The following PATJ variants were observed in gnomAD, a reference collection of about 807,000 sequenced individuals.
The protein encoded by PATJ is inaD-like protein.
PATJ carries 190 observed loss-of-function variants against 224.9 expected under a neutral mutation model. That is an observed-to-expected ratio of 0.84 (90% CI 0.75 to 0.95). The LOEUF is 0.95. PATJ is among the 40% of genes least tolerant of loss of function. PATJ has a pLI of 0.00. For synonymous variants in PATJ, 769 were observed against 820.3 expected (o/e 0.94, Z 1.07); for missense variants, 2,121 against 2,270.3 (o/e 0.93, Z 1.34).
intron 15 of PATJ, among the ~76,000 whole-genome samples, chr1:61,825,495 A>T (rs1557712266): frequency 1.3e-5 from 2 of 150,342 alleles, no homozygotes. Context: ...TCCTGAACTC[A>T]AAGTGTCGTG....
At chr1:61,873,669 G>A (rs764955669) in intron 20 of PATJ, among the ~76,000 whole-genome samples, 1 of 152,186 alleles carries the variant, frequency 6.6e-6, no homozygotes, top group Non-Finnish European at 1.5e-5. Flanking sequence ...TTAGAGGCAG[G>A]AGGCGGACAA....
At chr1:62,013,545 T>C in intron 28 of PATJ, 2 of 970,658 alleles carry the variant, frequency 2.1e-6, no homozygotes, top group South Asian at 4.8e-5. Flanking sequence ...GTTGCGTGCC[T>C]GCGCTGATGG....
At chr1:61,798,385 A>G (rs1651787826) in intron 11 of PATJ, among the ~76,000 whole-genome samples, 1 of 151,570 alleles carries the variant, frequency 6.6e-6, no homozygotes, top group Non-Finnish European at 1.5e-5. Context: ...TTTTGTAGAG[A>G]TGGGGTCTCT....
chr1:62,032,564 C>T, intron 29 of PATJ, among the ~76,000 whole-genome samples: 1 of 152,102 alleles, frequency 6.6e-6, no homozygotes, highest in East Asian at 1.9e-4. Context: ...AGCATTTTGT[C>T]TAACACAAGT....
chr1:62,000,203 T>TG (rs1363865844), intron 28 of PATJ, among the ~76,000 whole-genome samples: 1 of 133,174 alleles, frequency 7.5e-6, no homozygotes, highest in Non-Finnish European at 1.6e-5. Context: ...GTTTTTTGTT[T>TG]TTTTTTTTTT....
chr1:61,990,405 G>T (rs780381142), intron 28 of PATJ, 41 bp downstream of exon 28: 12 of 1,472,340 alleles, frequency 8.2e-6, no homozygotes, highest in Non-Finnish European at 1.1e-5. Context: ...TGGTGAAGTG[G>T]ATGGGTGCAG....
intron 11 of PATJ, among the ~76,000 whole-genome samples, chr1:61,800,741 C>T (rs1652302764): frequency 6.6e-6 from 1 of 152,082 alleles, no homozygotes; most frequent in African/African-American, 2.4e-5. Context: ...CTTCCCACCC[C>T]ACAACAGGCC....
chr1:62,130,416 A>G (rs1486530619), intron 41 of PATJ, among the ~76,000 whole-genome samples: 2 of 152,108 alleles, frequency 1.3e-5, no homozygotes, highest in Admixed American at 6.5e-5. Context: ...TATAATCCCA[A>G]CACTCTGGGA....
chr1:62,111,334 C>T (rs746882608), intron 34 of PATJ, among the ~76,000 whole-genome samples: 2 of 152,124 alleles, frequency 1.3e-5, no homozygotes, highest in Non-Finnish European at 2.9e-5. Flanking sequence ...GTGTTTCATT[C>T]ACAGACAATG....
At chr1:61,940,773 A>G (rs1362467173) in intron 27 of PATJ, among the ~76,000 whole-genome samples, 1 of 151,884 alleles carries the variant, frequency 6.6e-6, no homozygotes, top group East Asian at 1.9e-4. Context: ...GCATAAGAGT[A>G]TGTTAACCTT....
intron 22 of PATJ, among the ~76,000 whole-genome samples, chr1:61,888,698 A>C (rs555740114): frequency 6.6e-6 from 1 of 152,356 alleles, no homozygotes; most frequent in Admixed American, 6.5e-5. Context: ...AAAAGATCTA[A>C]GCAAACTTCT....
chr1:62,032,265 A>G (rs1318225206), intron 29 of PATJ, among the ~76,000 whole-genome samples: 3 of 152,184 alleles, frequency 2.0e-5, no homozygotes, highest in African/African-American at 4.8e-5. Flanking sequence ...CTTGTCAGGA[A>G]GCCCCCTCCA....
At chr1:62,039,781 G>A (rs1162435987) in intron 30 of PATJ, among the ~76,000 whole-genome samples, 2 of 152,172 alleles carry the variant, frequency 1.3e-5, no homozygotes, top group Non-Finnish European at 2.9e-5. Context: ...AAAAGGCAGA[G>A]GAGGAAATGA....
chr1:61,814,175 G>A (rs1032393855), intron 14 of PATJ, among the ~76,000 whole-genome samples: 13 of 117,144 alleles, frequency 1.1e-4, no homozygotes, highest in East Asian at 1.1e-3. Flanking sequence ...ATTCAGTCTC[G>A]CTCTGTTGCC....
At position 62,088,049 on chromosome 1, in the gene PATJ, G is replaced by C. The variant is rs1050444375; in HGVS notation, c.4377+3401G>C. Among the ~76,000 whole-genome samples, 57 of 151,530 alleles carry C rather than the reference G, an allele frequency of 3.8e-4. 1 individual carries two copies. Among genetic ancestry groups the C allele is most frequent in the Admixed American group, 1.3e-4 (2 of 15,192 alleles). On this transcript the variant is annotated intron_variant, in intron 33 of 43. Coordinates refer to ENST00000642238, the MANE Select transcript of PATJ (RefSeq NM_001350145.3). ...TGGGATTACAGGCATGCACCACCATGACTGGCTAATTTTGTATTTTTAGTA... is the reference window on the plus strand; with the variant it reads ...TGGGATTACAGGCATGCACCACCATCACTGGCTAATTTTGTATTTTTAGTA...
At chr1:61,866,540 T>C (rs907036937) in intron 20 of PATJ, among the ~76,000 whole-genome samples, 3 of 152,194 alleles carry the variant, frequency 2.0e-5, no homozygotes, top group Admixed American at 6.5e-5. Flanking sequence ...CATTTCTAAC[T>C]AGGTTGTTTG....
intron 41 of PATJ, among the ~76,000 whole-genome samples, chr1:62,135,027 G>T (rs1286507310): frequency 1.3e-5 from 2 of 152,012 alleles, no homozygotes; most frequent in African/African-American, 4.8e-5. Flanking sequence ...GGAATGATCT[G>T]CTATTAGGTC....
At chr1:61,785,013 TACGTATTATTTCAA>T (rs368082328) in intron 7 of PATJ, among the ~76,000 whole-genome samples, 231 of 152,360 alleles carry the variant, frequency 1.5e-3, no homozygotes, top group African/African-American at 5.4e-3. Context: ...CAGAGCTTTG[TACGTATTATTTCAA>T]TCTAAAGCAT....
intron 14 of PATJ, among the ~76,000 whole-genome samples, chr1:61,814,439 G>A (rs1014982278): frequency 6.6e-6 from 1 of 151,788 alleles, no homozygotes. Flanking sequence ...CACCGTGCCC[G>A]GCCGCATTAT....
Sources: allele counts gnomAD v4.1 joint callset (sites outside exome capture counted in the v4.1 genomes callset), GRCh38; gene constraint gnomAD v4.1.1; transcripts MANE v1.5; gene names NCBI Gene and HGNC (gene_info 2026-07-23, HGNC 2026-07-21).